PTPRM: variants seen among roughly 807,000 people sequenced by gnomAD.
PTPRM encodes the protein receptor-type tyrosine-protein phosphatase mu.
In PTPRM, 47 loss-of-function variants were observed where a neutral mutation model predicts 186.7. The ratio of observed to expected loss-of-function variants is 0.25; its 90% CI spans 0.20 to 0.32. The LOEUF (loss-of-function observed/expected upper bound fraction) is 0.32, where lower values mean the gene tolerates loss of function less well. Among genes scored for constraint, PTPRM ranks in the 10% least tolerant of loss-of-function variants. The probability of loss-of-function intolerance (pLI) is 1.00; values close to 1 mark genes in which losing one functional copy is unlikely to be tolerated. For missense variants in PTPRM, 1,494 were observed against 1,865.0 expected (o/e 0.80, Z 3.66); for synonymous variants, 668 against 674.9 (o/e 0.99, Z 0.16).
At chr18:7,923,454 T>C (rs1357093129) in intron 4 of PTPRM, among the ~76,000 whole-genome samples, 1 of 152,204 alleles carries the variant, frequency 6.6e-6, no homozygotes, top group Non-Finnish European at 1.5e-5. Flanking sequence ...AGGAAAACTT[T>C]TCCTTTTCTG....
intron 1 of PTPRM, among the ~76,000 whole-genome samples, chr18:7,602,969 C>A (rs1364413281): frequency 6.7e-6 from 1 of 150,010 alleles, no homozygotes; most frequent in African/African-American, 2.5e-5. Context: ...ACTCTCTCGC[C>A]CAGGCTGGAG....
intron 11 of PTPRM, among the ~76,000 whole-genome samples, chr18:8,102,408 C>G (rs1159619730): frequency 1.3e-5 from 2 of 152,192 alleles, no homozygotes; most frequent in African/African-American, 4.8e-5. Context: ...CCTCTCAAAC[C>G]TTGTCAGTGC....
intron 2 of PTPRM, among the ~76,000 whole-genome samples, chr18:7,880,424 A>C (rs2048448807): frequency 6.6e-6 from 1 of 152,208 alleles, no homozygotes; most frequent in Admixed American, 6.5e-5. Context: ...CGGAAAGAAA[A>C]TGTGTCATTT....
At chr18:7,765,165 T>A (rs1474443205) in intron 1 of PTPRM, among the ~76,000 whole-genome samples, 1 of 152,214 alleles carries the variant, frequency 6.6e-6, no homozygotes, top group Non-Finnish European at 1.5e-5. Flanking sequence ...TTGTCGCAAC[T>A]CAGCCTTTTA....
At chr18:8,182,903 A>T (rs2093595569) in intron 14 of PTPRM, among the ~76,000 whole-genome samples, 1 of 152,158 alleles carries the variant, frequency 6.6e-6, no homozygotes, top group Non-Finnish European at 1.5e-5. Context: ...ACGGGTATGC[A>T]TCTGTCAGTC....
chr18:8,149,249 G>A (rs193052491), intron 14 of PTPRM, among the ~76,000 whole-genome samples: 1 of 152,028 alleles, frequency 6.6e-6, no homozygotes, highest in Non-Finnish European at 1.5e-5. Context: ...TTGACAGTGG[G>A]GTGTTAAAGT....
intron 23 of PTPRM, among the ~76,000 whole-genome samples, chr18:8,344,472 A>ATATATATATATATC (rs1161839943): frequency 4.8e-5 from 7 of 146,882 alleles, no homozygotes; most frequent in South Asian, 2.1e-4. Flanking sequence ...ATATATATAT[A>ATATATATATATATC]TATCTAGCAA....
chr18:7,642,553 G>GA (rs2038468532), intron 1 of PTPRM, among the ~76,000 whole-genome samples: 1 of 152,122 alleles, frequency 6.6e-6, no homozygotes, highest in Non-Finnish European at 1.5e-5. Context: ...CTGGGGAATG[G>GA]AAAAAATTAT....
At chr18:8,214,877 G>A (rs931431390) in intron 14 of PTPRM, among the ~76,000 whole-genome samples, 6 of 152,134 alleles carry the variant, frequency 3.9e-5, no homozygotes, top group Non-Finnish European at 8.8e-5. Flanking sequence ...TGGCCAGGCT[G>A]GTCTCAAACT....
At chr18:7,999,299 G>T (rs959775121) in intron 7 of PTPRM, among the ~76,000 whole-genome samples, 3 of 152,116 alleles carry the variant, frequency 2.0e-5, no homozygotes, top group Non-Finnish European at 2.9e-5. Flanking sequence ...CAGTGGCACT[G>T]GCTAGAAATT....
At chr18:8,214,365 G>A (rs2094050230) in intron 14 of PTPRM, among the ~76,000 whole-genome samples, 1 of 152,178 alleles carries the variant, frequency 6.6e-6, no homozygotes, top group Non-Finnish European at 1.5e-5. Flanking sequence ...TAGCAACATA[G>A]TGACAATATT....
chr18:7,799,082 A>T (rs1440527228), intron 2 of PTPRM, among the ~76,000 whole-genome samples: 1 of 152,206 alleles, frequency 6.6e-6, no homozygotes, highest in Non-Finnish European at 1.5e-5. Flanking sequence ...CCCAAGACTG[A>T]GTAATTTATA....
intron 14 of PTPRM, among the ~76,000 whole-genome samples, chr18:8,232,990 A>G (rs1398110501): frequency 1.3e-5 from 2 of 152,180 alleles, no homozygotes; most frequent in Non-Finnish European, 1.5e-5. Context: ...TCCTGGAACA[A>G]TGGGTACTAG....
At chr18:7,619,558 A>G (rs183873244) in intron 1 of PTPRM, among the ~76,000 whole-genome samples, 135 of 152,334 alleles carry the variant, frequency 8.9e-4, no homozygotes, top group Middle Eastern at 6.8e-3. Flanking sequence ...GTTCTGTACT[A>G]TTTAATGGTT....
intron 14 of PTPRM, among the ~76,000 whole-genome samples, chr18:8,148,496 C>T (rs1287303149): frequency 6.6e-6 from 1 of 152,042 alleles, no homozygotes; most frequent in Non-Finnish European, 1.5e-5. Flanking sequence ...GTGGTGATAT[C>T]CCCTATATCT....
intron 7 of PTPRM, among the ~76,000 whole-genome samples, chr18:8,052,924 A>G (rs2087617015): frequency 6.6e-6 from 1 of 152,152 alleles, no homozygotes; most frequent in Non-Finnish European, 1.5e-5. Flanking sequence ...CATTTCTCAG[A>G]TTAGTATTAA....
intron 14 of PTPRM, among the ~76,000 whole-genome samples, chr18:8,240,877 C>T (rs1326704935): frequency 6.6e-6 from 1 of 150,998 alleles, no homozygotes; most frequent in East Asian, 2.0e-4. Flanking sequence ...AAGTTTGTGG[C>T]AACCCTCATG....
At chr18:7,805,713 T>A (rs1312630570) in intron 2 of PTPRM, among the ~76,000 whole-genome samples, 1 of 152,182 alleles carries the variant, frequency 6.6e-6, no homozygotes, top group Non-Finnish European at 1.5e-5. Flanking sequence ...ACGAAGTGTA[T>A]ACAGAACTGA....
chr18:7,679,722 A>G (rs542913527), intron 1 of PTPRM, among the ~76,000 whole-genome samples: 2 of 152,214 alleles, frequency 1.3e-5, no homozygotes, highest in East Asian at 1.9e-4. Context: ...TCAGAGATCT[A>G]TATGTAAAAT....
Sources: gnomAD v4.1 joint callset for allele counts (sites outside exome capture counted in the v4.1 genomes callset) on GRCh38, gnomAD v4.1.1 for gene constraint, MANE v1.5 for transcripts, NCBI Gene and HGNC (gene_info 2026-07-23, HGNC 2026-07-21) for gene names.